The following FGF14 variants were observed in gnomAD, a reference collection of about 807,000 sequenced individuals.
FGF14 encodes the protein fibroblast growth factor homologous factor 4.
In FGF14, 5 loss-of-function variants were observed where a neutral mutation model predicts 25.5. That is an observed-to-expected ratio of 0.20 (90% confidence interval 0.10 to 0.41). The LOEUF (loss-of-function observed/expected upper bound fraction) is 0.41. Among genes scored for constraint, FGF14 ranks in the 10% least tolerant of loss-of-function variants. FGF14 has a pLI of 1.00. For synonymous variants in FGF14, 138 were observed against 118.3 expected, an observed-to-expected ratio of 1.17 and a Z score of -1.08; for missense variants, 222 against 320.1, an observed-to-expected ratio of 0.69 and a Z score of 2.34.
intron 1 of FGF14, among the ~76,000 whole-genome samples, chr13:101,896,167 G>C (rs1337744418): frequency 5.9e-5 from 9 of 152,006 alleles, no homozygotes; most frequent in Admixed American, 3.9e-4. Flanking sequence ...TTACTATTAA[G>C]GTGGGGCAAT....
chr13:102,167,832 C>T (rs1357714430), intron 1 of FGF14, among the ~76,000 whole-genome samples: 12 of 148,490 alleles, frequency 8.1e-5, no homozygotes, highest in East Asian at 2.0e-4. Context: ...TTGAAAGATG[C>T]TAAACATATT....
chr13:102,399,806 T>C (rs2139287330), intron 1 of FGF14, among the ~76,000 whole-genome samples: 1 of 151,894 alleles, frequency 6.6e-6, no homozygotes, highest in Middle Eastern at 3.4e-3. Context: ...GTGTAAGAAC[T>C]AGAACACAGG....
chr13:102,400,784 A>C lies in FGF14; in HGVS notation c.208+687T>G, dbSNP rs1206665128. ...TTGACACCGCTTTCTAAAGGGGGGG[A>C]CTTCAATTACAAATATTAGAGGGGC... is the stretch of plus-strand genomic sequence containing the variant. On this transcript the variant is annotated intron_variant, in intron 1 of 4. Transcript: ENST00000376131. The surrounding 1 kb of genome is among the most constrained non-coding windows in gnomAD (Gnocchi z 4.3). Among the ~76,000 whole-genome samples the C allele has an allele frequency of 1.3e-5, 2 of 151,130 alleles. No individual in the cohort carries two copies. Among genetic ancestry groups the C allele is most frequent in the Non-Finnish European group, 2.9e-5 (2 of 67,846 alleles).
intron 1 of FGF14, among the ~76,000 whole-genome samples, chr13:102,134,635 G>A (rs557367371): frequency 1.3e-5 from 2 of 152,280 alleles, no homozygotes; most frequent in South Asian, 4.1e-4. Context: ...CAAGTGACAA[G>A]TTGGACTAAT....
chr13:102,100,854 C>A (rs1254321728), intron 1 of FGF14, among the ~76,000 whole-genome samples: 1 of 152,182 alleles, frequency 6.6e-6, no homozygotes, highest in African/African-American at 2.4e-5. Context: ...AATCCCAACA[C>A]TTTGGGAGGC....
At chr13:102,069,521 T>C (rs2043065010) in intron 1 of FGF14, among the ~76,000 whole-genome samples, 2 of 152,196 alleles carry the variant, frequency 1.3e-5, no homozygotes, top group Non-Finnish European at 1.5e-5. Flanking sequence ...ACGCTGCTTT[T>C]ATGAGCTGTA....
chr13:101,968,528 C>T (rs1274409378), intron 1 of FGF14, among the ~76,000 whole-genome samples: 1 of 151,978 alleles, frequency 6.6e-6, no homozygotes, highest in South Asian at 2.1e-4. Flanking sequence ...AAAAAATTAG[C>T]CAGGCGTGGT....
chr13:102,103,467 A>AAT (rs1555358384), intron 1 of FGF14, among the ~76,000 whole-genome samples: 1 of 151,548 alleles, frequency 6.6e-6, no homozygotes, highest in African/African-American at 2.4e-5. Context: ...TGAGCCCCTG[A>AAT]TTTTTTTTGT....
At chr13:101,814,614 G>A (rs1024529283) in intron 3 of FGF14, among the ~76,000 whole-genome samples, 6 of 152,104 alleles carry the variant, frequency 3.9e-5, no homozygotes, top group African/African-American at 1.4e-4. Context: ...CTGCTGACAT[G>A]GTTTCTGAGT....
intron 1 of FGF14, among the ~76,000 whole-genome samples, chr13:102,233,132 G>A (rs1027278043): frequency 1.3e-5 from 2 of 151,812 alleles, no homozygotes; most frequent in Non-Finnish European, 2.9e-5. Flanking sequence ...TGCCATTTTT[G>A]TTGTTGTTGT....
chr13:102,125,993 C>A (rs1427843321), intron 1 of FGF14, among the ~76,000 whole-genome samples: 4 of 152,058 alleles, frequency 2.6e-5, no homozygotes, highest in African/African-American at 9.7e-5. Flanking sequence ...CAAACCAGCT[C>A]TTCTCTCTCA....
intron 1 of FGF14, among the ~76,000 whole-genome samples, chr13:102,230,873 A>G (rs1246112717): frequency 2.0e-5 from 3 of 152,210 alleles, no homozygotes; most frequent in African/African-American, 7.2e-5. Context: ...ATAAAGCCAT[A>G]TTTTATAGGT....
chr13:102,145,404 C>T (rs2046814650), intron 1 of FGF14, among the ~76,000 whole-genome samples: 1 of 152,104 alleles, frequency 6.6e-6, no homozygotes, highest in South Asian at 2.1e-4. Context: ...CCCATGGTGG[C>T]AGAGTGGTAA....
chr13:101,872,919 G>T (rs1045547651), intron 2 of FGF14, among the ~76,000 whole-genome samples: 3 of 152,092 alleles, frequency 2.0e-5, no homozygotes, highest in African/African-American at 7.2e-5. Flanking sequence ...TTACAAAGGG[G>T]ATCCTGTTTC....
chr13:102,097,068 G>A (rs1042544702), intron 1 of FGF14, among the ~76,000 whole-genome samples: 3 of 147,896 alleles, frequency 2.0e-5, no homozygotes, highest in South Asian at 2.1e-4. Context: ...GGGGTCATAA[G>A]AAAACACAAA....
chr13:101,971,881 C>A (rs1001174), intron 1 of FGF14, among the ~76,000 whole-genome samples: 64,760 of 152,016 alleles, frequency 0.43, 14,679 homozygotes, highest in East Asian at 0.71. Context: ...CAATACATAA[C>A]TGTTTGAAAT....
chr13:102,332,377 A>C (rs1172794615), intron 1 of FGF14, among the ~76,000 whole-genome samples: 2 of 152,186 alleles, frequency 1.3e-5, no homozygotes, highest in Non-Finnish European at 2.9e-5. Context: ...CTGAGATGCC[A>C]TTGTATGTTA....
At chr13:101,911,481 C>T (rs1261446387) in intron 1 of FGF14, among the ~76,000 whole-genome samples, 1 of 152,130 alleles carries the variant, frequency 6.6e-6, no homozygotes, top group Admixed American at 6.5e-5. Flanking sequence ...CACTATTTTA[C>T]ACTTTACTTA....
At chr13:102,378,707 A>G (rs1179663183) in intron 1 of FGF14, among the ~76,000 whole-genome samples, 1 of 151,826 alleles carries the variant, frequency 6.6e-6, no homozygotes, top group African/African-American at 2.4e-5. Flanking sequence ...CAAAAACAAA[A>G]CAAAAAAACA....
Sources: allele counts gnomAD v4.1 joint callset (sites outside exome capture counted in the v4.1 genomes callset), GRCh38; gene constraint gnomAD v4.1.1; non-coding constraint Gnocchi (gnomAD v3.1); transcripts MANE v1.5; gene names NCBI Gene and HGNC (gene_info 2026-07-23, HGNC 2026-07-21).